PRKAR1B: variants seen among roughly 807,000 people sequenced by gnomAD.
The protein encoded by PRKAR1B is cAMP-dependent protein kinase type I-beta regulatory subunit.
In PRKAR1B, 22 loss-of-function variants were observed where a neutral mutation model predicts 46.5. That is an observed-to-expected ratio of 0.47 (90% CI 0.34 to 0.68). The LOEUF (loss-of-function observed/expected upper bound fraction) is 0.68. PRKAR1B is among the 30% of genes least tolerant of loss of function. PRKAR1B has a pLI of 0.01. For missense variants in PRKAR1B, 445 were observed against 535.6 expected, an observed-to-expected ratio of 0.83 and a Z score of 1.67; for synonymous variants, 259 against 217.7, an observed-to-expected ratio of 1.19 and a Z score of -1.67.
In PRKAR1B at chr7:550,510, C is replaced by G; in HGVS notation, c.1066G>C (p.Glu356Gln). Residue 356 changes from glutamate to glutamine, a missense_variant, in exon 11 of 11, where the codon GAG (glutamate) becomes CAG (glutamine). Glu to Gln is a conservative substitution (Grantham distance 29). This residue lies in a region of PRKAR1B where 127 missense variants were observed against 138.0 expected (regional missense o/e 0.92). Transcript: ENST00000537384. ...TCAGAGCAGGGCCCCAGCACACGCT[C>G]GAAGCGGGGCCGGTCCAGCTTCACA... ...KCVKLDRPRFERVLGPCSEIL... is the reference protein window; with the variant it reads ...KCVKLDRPRFQRVLGPCSEIL... 1 of 1,602,218 alleles carries G rather than the reference C, an allele frequency of 6.2e-7. No individual in the cohort carries two copies. The highest frequency in any genetic ancestry group is 8.5e-7 in the Non-Finnish European group (1 of 1,175,044).
At position 588,468 on chromosome 7, in the gene PRKAR1B, A is replaced by ATGGTGATGG. The variant is rs1180026573; in HGVS notation, c.709-3909_709-3901dup. Among the ~76,000 whole-genome samples the ATGGTGATGG allele has an allele frequency of 5.8e-3, 749 of 130,134 alleles. 14 individuals are homozygous for ATGGTGATGG. The highest frequency in any genetic ancestry group is 0.018 in the African/African-American group (589 of 33,038). The allele number at this position is 130,134 out of a possible 152,430, so 85.4% of individuals were successfully genotyped here. ...GGTGATGGTGATGGTGATGGTGGTG[A>ATGGTGATGG]TGGTGATGGTGGTGATGGTGGTGAG... On this transcript the variant is annotated intron_variant, in intron 7 of 10. Coordinates refer to ENST00000537384, the MANE Select transcript of PRKAR1B (RefSeq NM_001164760.2).
intron 4 of PRKAR1B, among the ~76,000 whole-genome samples, chr7:664,190 C>T (rs1785776043): frequency 6.6e-6 from 1 of 152,194 alleles, no homozygotes; most frequent in Non-Finnish European, 1.5e-5. Context: ...CACCCGCTGG[C>T]AGGCGACGGG....
At chr7:625,288 C>T (rs533561378) in intron 4 of PRKAR1B, among the ~76,000 whole-genome samples, 53 of 152,126 alleles carry the variant, frequency 3.5e-4, no homozygotes, top group Non-Finnish European at 5.3e-4. Flanking sequence ...ATCTATAGCA[C>T]TGAATGCATA....
intron 4 of PRKAR1B, among the ~76,000 whole-genome samples, chr7:676,757 G>A (rs1355058158): frequency 6.6e-6 from 1 of 152,236 alleles, no homozygotes; most frequent in Non-Finnish European, 1.5e-5. Context: ...TCAGAGAAAC[G>A]GCAAAGCCTC....
rs541380564 is a variant in PRKAR1B at position 613,095 on chromosome 7, T to C, written c.441-5643A>G. On this transcript the variant is annotated intron_variant, in intron 4 of 10. Coordinates refer to ENST00000537384, the MANE Select transcript of PRKAR1B (RefSeq NM_001164760.2). The stretch of plus-strand genomic sequence containing the variant: ...GTGTTCACAGTGTTGCCAGTGAAAA[T>C]AGGGTGTCGATGAAACTGTACAATT... Among the ~76,000 whole-genome samples, 72 of 152,004 alleles carry C rather than the reference T, an allele frequency of 4.7e-4. 1 individual carries two copies. Among genetic ancestry groups the C allele is most frequent in the African/African-American group, 1.7e-3 (72 of 41,430 alleles).
At chr7:628,102 T>C (rs1783515306) in intron 4 of PRKAR1B, among the ~76,000 whole-genome samples, 1 of 152,194 alleles carries the variant, frequency 6.6e-6, no homozygotes, top group African/African-American at 2.4e-5. Flanking sequence ...GGACCTGTAC[T>C]GCCTCATAAC....
rs149331249 is a variant in PRKAR1B, at chr7:642,909, G to A, written c.440+34320C>T. 2.1e-3 allele frequency among the ~76,000 whole-genome samples: 317 copies of A among 151,306 alleles called. 5 individuals carry two copies. The highest frequency in any genetic ancestry group is 2.0e-3 in the Non-Finnish European group (139 of 67,990). On this transcript the variant is annotated intron_variant, in intron 4 of 10. Transcript: ENST00000537384. ...TCATCTGTCCTGGGTTCAAATCCCC[G>A]TCCCGCCACCTTGTCTTGAGCAGTG... is the stretch of plus-strand genomic sequence containing the variant.
chr7:577,654 C>G, intron 9 of PRKAR1B, among the ~76,000 whole-genome samples: 1 of 152,092 alleles, frequency 6.6e-6, no homozygotes, highest in East Asian at 1.9e-4. Context: ...GGGTTCCGGC[C>G]CAGTTCCTGC....
chr7:573,468 G>A lies in PRKAR1B; in HGVS notation c.891+5788C>T, dbSNP rs142856275. On this transcript the variant is annotated intron_variant, in intron 9 of 10. Coordinates refer to ENST00000537384, the MANE Select transcript of PRKAR1B (RefSeq NM_001164760.2). ...TTCCGGGAAGCCTGTGCAGGAGCGC[G>A]TGGGGGCTCCTGCGGAGGGGCAGCC... Among the ~76,000 whole-genome samples, 467 of 152,130 alleles carry A rather than the reference G, an allele frequency of 3.1e-3. 6 individuals carry two copies. Among genetic ancestry groups the A allele is most frequent in the East Asian group, 0.015 (75 of 5,104 alleles).
rs75036923 is a variant in PRKAR1B, at chr7:666,173, G to T, written c.440+11056C>A. Among the ~76,000 whole-genome samples the T allele has an allele frequency of 0.038, 5,781 of 152,316 alleles. 176 individuals carry two copies. The highest frequency in any genetic ancestry group is 0.053 in the Non-Finnish European group (3,634 of 68,014). On this transcript the variant is annotated intron_variant, in intron 4 of 10. Transcript: ENST00000537384. This position sits in a 1 kb window ranked among gnomAD's most constrained non-coding sequence, Gnocchi z 4.9. ...CGCCCTAATCAGGGAAAGCCGGGAAGGGACCGGGATAGAACCCAAGGGCCT... is the reference window on the plus strand; with the variant it reads ...CGCCCTAATCAGGGAAAGCCGGGAATGGACCGGGATAGAACCCAAGGGCCT...
intron 2 of PRKAR1B, among the ~76,000 whole-genome samples, chr7:690,995 G>C (rs1406567646): frequency 6.6e-6 from 1 of 151,684 alleles, no homozygotes; most frequent in African/African-American, 2.4e-5. Flanking sequence ...AATCCTACCC[G>C]AAGGGTCCCG....
intron 4 of PRKAR1B, among the ~76,000 whole-genome samples, chr7:619,205 C>A (rs912697068): frequency 3.3e-5 from 5 of 151,992 alleles, no homozygotes; most frequent in African/African-American, 9.7e-5. Context: ...GGAGGCAACA[C>A]GGCACCTACA....
At chr7:635,708 G>C (rs1046240682) in intron 4 of PRKAR1B, among the ~76,000 whole-genome samples, 2 of 152,160 alleles carry the variant, frequency 1.3e-5, no homozygotes, top group African/African-American at 2.4e-5. Context: ...GCAGGGGAGA[G>C]AAGGCACAGC....
At chr7:615,669 C>CA (rs547474752) in intron 4 of PRKAR1B, among the ~76,000 whole-genome samples, 13,072 of 146,624 alleles carry the variant, frequency 0.089, 1,607 homozygotes, top group African/African-American at 0.28. Flanking sequence ...ACTAAAAATA[C>CA]AAAAAAAAAT....
intron 4 of PRKAR1B, among the ~76,000 whole-genome samples, chr7:668,097 GGTCATTAGGCCAGCAGGTGTGCAAACCC>G (rs1786035563): frequency 6.6e-6 from 1 of 152,166 alleles, no homozygotes; most frequent in Non-Finnish European, 1.5e-5. Context: ...TGTACGGAGG[GGTCATTAGGCCAGCAGGTGTGCAAACCC>G]TGCAGGTGGA....
At chr7:708,015 C>T (rs143846567) in intron 2 of PRKAR1B, among the ~76,000 whole-genome samples, 4 of 151,290 alleles carry the variant, frequency 2.6e-5, no homozygotes, top group African/African-American at 9.7e-5. Flanking sequence ...AGATGATCAC[C>T]AGCACCACCC....
chr7:680,262 A>T (rs984711407), intron 3 of PRKAR1B, among the ~76,000 whole-genome samples: 2 of 151,802 alleles, frequency 1.3e-5, no homozygotes, highest in African/African-American at 4.8e-5. Flanking sequence ...CCTGGATGCC[A>T]GCGAGTCCCT....
chr7:665,180 C>T (rs559217531), intron 4 of PRKAR1B, among the ~76,000 whole-genome samples: 4 of 152,188 alleles, frequency 2.6e-5, no homozygotes, highest in South Asian at 2.1e-4. Flanking sequence ...AGCTGGAAAA[C>T]GCTAGGCGTG....
chr7:580,019 G>C (rs1453630134), intron 8 of PRKAR1B, among the ~76,000 whole-genome samples: 1 of 152,080 alleles, frequency 6.6e-6, no homozygotes, highest in South Asian at 2.1e-4. Flanking sequence ...GATCGCTTGA[G>C]GCCAGAGTTC....
Sources: allele counts gnomAD v4.1 joint callset (sites outside exome capture counted in the v4.1 genomes callset), GRCh38; gene constraint gnomAD v4.1.1; regional missense constraint gnomAD v4.1.1; non-coding constraint Gnocchi (gnomAD v3.1); transcripts MANE v1.5; gene names NCBI Gene and HGNC (gene_info 2026-07-23, HGNC 2026-07-21).